The following RFTN1 variants were observed in gnomAD, a reference collection of about 807,000 sequenced individuals.
RFTN1 encodes raftlin, lipid raft linker 1.
RFTN1 carries 26 observed loss-of-function variants against 46.5 expected under a neutral mutation model. That is an observed-to-expected ratio of 0.56 (90% CI 0.41 to 0.78). RFTN1 has a LOEUF of 0.78. RFTN1 is among the 30% of genes least tolerant of loss of function. The pLI is 0.00. For synonymous variants in RFTN1, 261 were observed against 284.2 expected (o/e 0.92, Z 0.82); for missense variants, 693 against 718.7 (o/e 0.96, Z 0.41).
chr3:16,355,844 G>T (rs1472989452), intron 7 of RFTN1, among the ~76,000 whole-genome samples: 2 of 152,226 alleles, frequency 1.3e-5, no homozygotes, highest in African/African-American at 4.8e-5. Context: ...TTTTATAGAT[G>T]ATTTTGGATC....
At chr3:16,369,823 G>A (rs545621201) in intron 6 of RFTN1, among the ~76,000 whole-genome samples, 2 of 152,312 alleles carry the variant, frequency 1.3e-5, no homozygotes, top group African/African-American at 2.4e-5. Flanking sequence ...GGCCACCTTC[G>A]ATGAAATAGA....
rs113454882 is a variant in RFTN1 at position 16,330,460 on chromosome 3, G to C, written c.1147-3584C>G. Among the ~76,000 whole-genome samples the C allele has an allele frequency of 4.6e-5, 7 of 152,322 alleles. 1 individual carries two copies. Among genetic ancestry groups the C allele is most frequent in the African/African-American group, 1.4e-4 (6 of 41,574 alleles). Reference sequence around the variant, plus strand: ...GGTAGGAAACATATCCGGATGGAAGGCTCTCTTTGATCTGCTTTTTTGTGA... The same window carrying C: ...GGTAGGAAACATATCCGGATGGAAGCCTCTCTTTGATCTGCTTTTTTGTGA... On this transcript the variant is annotated intron_variant, in intron 7 of 9. Transcript: ENST00000334133.
chr3:16,393,791 T>TGGGA (rs2074405763), intron 4 of RFTN1, among the ~76,000 whole-genome samples: 1 of 152,070 alleles, frequency 6.6e-6, no homozygotes, highest in African/African-American at 2.4e-5. Context: ...CCCAAGTAGG[T>TGGGA]GGGACTACAG....
rs957126460 is a variant in RFTN1 at position 16,428,216 on chromosome 3, G to A, written c.332+5635C>T. The stretch of plus-strand genomic sequence containing the variant: ...TGTGCCCCAGAATGAACTCGAGAAG[G>A]GAGGCGTGGAGTTCCTGTTCCCTCA... On this transcript the variant is annotated intron_variant, in intron 3 of 9. Transcript: ENST00000334133. This position sits in a 1 kb window ranked among gnomAD's most constrained non-coding sequence, Gnocchi z 4.7. 2.6e-5 allele frequency among the ~76,000 whole-genome samples: 4 copies of A among 152,166 alleles called. No homozygotes were observed. Among genetic ancestry groups the A allele is most frequent in the Non-Finnish European group, 5.9e-5 (4 of 68,040 alleles).
In RFTN1 at chr3:16,499,443, G is replaced by A. The variant is rs1362646991; in HGVS notation, c.-8-5566C>T. On this transcript the variant is annotated intron_variant, in intron 1 of 9. Coordinates refer to ENST00000334133, the MANE Select transcript of RFTN1 (RefSeq NM_015150.2). This position sits in a 1 kb window ranked among gnomAD's most constrained non-coding sequence, Gnocchi z 4.9. ...ATGAGGAAGCTCAAGTAGCCCCAAAGAGGGGCCCATGTGGAGAGGAACCGA... is the reference window on the plus strand; with the variant it reads ...ATGAGGAAGCTCAAGTAGCCCCAAAAAGGGGCCCATGTGGAGAGGAACCGA... 6.6e-6 allele frequency among the ~76,000 whole-genome samples: 1 copy of A among 152,216 alleles called. No individual in the cohort carries two copies. Among genetic ancestry groups the A allele is most frequent in the Admixed American group, 6.5e-5 (1 of 15,284 alleles).
rs369454004 is a variant in RFTN1, at chr3:16,337,067, G to A, written c.1147-10191C>T. On this transcript the variant is annotated intron_variant, in intron 7 of 9. Transcript: ENST00000334133. The surrounding 1 kb of genome is among the most constrained non-coding windows in gnomAD (Gnocchi z 5.0). ...GCAGATGTGACATTACGGTCATCCT[G>A]AACCTAGGCCTCAAGGAGCCTTGCT... 6.6e-6 allele frequency: 1 copy of A among 152,212 alleles called. No individual in the cohort carries two copies. The highest frequency in any genetic ancestry group is 2.4e-5 in the African/African-American group (1 of 41,438). 9.4% of individuals were successfully genotyped at this position (152,212 alleles called of 1,614,324 possible).
In RFTN1 at chr3:16,356,304, T is replaced by A. The variant is rs1220971050; in HGVS notation, c.1146+1628A>T. Reference sequence around the variant, plus strand: ...AGCAGGGTCACACAGGAGTAACTGGTGGGGCTGATCTCACACCAGGCTGTC... The same window carrying A: ...AGCAGGGTCACACAGGAGTAACTGGAGGGGCTGATCTCACACCAGGCTGTC... On this transcript the variant is annotated intron_variant, in intron 7 of 9. Transcript: ENST00000334133. The surrounding 1 kb of genome is among the most constrained non-coding windows in gnomAD (Gnocchi z 4.9). 3.3e-5 allele frequency among the ~76,000 whole-genome samples: 5 copies of A among 152,304 alleles called. No individual in the cohort carries two copies. The highest frequency in any genetic ancestry group is 1.2e-4 in the African/African-American group (5 of 41,562).
rs1311148888 is a variant in RFTN1 at position 16,428,672 on chromosome 3, T to G, written c.332+5179A>C. On this transcript the variant is annotated intron_variant, in intron 3 of 9. Coordinates refer to ENST00000334133, the MANE Select transcript of RFTN1 (RefSeq NM_015150.2). The surrounding 1 kb of genome is among the most constrained non-coding windows in gnomAD (Gnocchi z 4.7). ...CCAAAGGACTTCAACTCATTCATGA[T>G]GAAAAACACACCAATGACGCCCCTA... Among the ~76,000 whole-genome samples, 2 of 152,158 alleles carry G rather than the reference T, an allele frequency of 1.3e-5. No individual in the cohort carries two copies. The highest frequency in any genetic ancestry group is 2.4e-5 in the African/African-American group (1 of 41,420).
intron 1 of RFTN1, among the ~76,000 whole-genome samples, chr3:16,511,344 GTT>G (rs2076898473): frequency 6.6e-6 from 1 of 152,210 alleles, no homozygotes; most frequent in South Asian, 2.1e-4. Context: ...GTACTAAAAT[GTT>G]TAGGAATGAC....
rs2075815005 is a variant in RFTN1, at chr3:16,451,077, G to A, written c.146-17040C>T. Among the ~76,000 whole-genome samples, 1 of 152,300 alleles carries A rather than the reference G, an allele frequency of 6.6e-6. No homozygotes were observed. The highest frequency in any genetic ancestry group is 1.9e-4 in the East Asian group (1 of 5,186). ...AATGCTCACTAAGGTCAGGGGCTTG[G>A]ATAAACTCTCATTATGAGAAAACAT... On this transcript the variant is annotated intron_variant, in intron 2 of 9. Coordinates refer to ENST00000334133, the MANE Select transcript of RFTN1 (RefSeq NM_015150.2). This position sits in a 1 kb window ranked among gnomAD's most constrained non-coding sequence, Gnocchi z 4.2.
rs373120856 is a variant in RFTN1 at position 16,417,081 on chromosome 3, C to T, written c.333-7598G>A. Among the ~76,000 whole-genome samples the T allele has an allele frequency of 2.8e-4, 42 of 150,120 alleles. No individual in the cohort carries two copies. In the East Asian group the frequency reaches 6.8e-3, roughly 24 times the overall value. ...TGAAGTGCGGTGGCATGATCAAGGG[C>T]TCACTGCAGCCTCAACTTCCTGGGC... On this transcript the variant is annotated intron_variant, in intron 3 of 9. Coordinates refer to ENST00000334133, the MANE Select transcript of RFTN1 (RefSeq NM_015150.2).
rs533921073 is a variant in RFTN1 at position 16,484,342 on chromosome 3, G to A, written c.145+9383C>T. Among the ~76,000 whole-genome samples, 4 of 152,210 alleles carry A rather than the reference G, an allele frequency of 2.6e-5. No homozygotes were observed. Among genetic ancestry groups the A allele is most frequent in the South Asian group, 2.1e-4 (1 of 4,820 alleles). Reference sequence around the variant, plus strand: ...ACTGGACCTGTAGAAAACTTATTGCGCAATGTGCATGTCTTGAATAAGGAA... The same window carrying A: ...ACTGGACCTGTAGAAAACTTATTGCACAATGTGCATGTCTTGAATAAGGAA... On this transcript the variant is annotated intron_variant, in intron 2 of 9. Transcript: ENST00000334133. The surrounding 1 kb of genome is among the most constrained non-coding windows in gnomAD (Gnocchi z 4.6).
rs1331945896 is a variant in RFTN1 at position 16,429,018 on chromosome 3, CTCTT to C, written c.332+4829_332+4832del. On this transcript the variant is annotated intron_variant, in intron 3 of 9. Transcript: ENST00000334133. This position sits in a 1 kb window ranked among gnomAD's most constrained non-coding sequence, Gnocchi z 6.4. ...GAGTTGAGAAAATGAAGTACAAACT[CTCTT>C]TCTACTTATTCACTAAGTATTTCAT... Among the ~76,000 whole-genome samples the C allele has an allele frequency of 1.3e-5, 2 of 152,220 alleles. No homozygotes were observed. Among genetic ancestry groups the C allele is most frequent in the African/African-American group, 2.4e-5 (1 of 41,450 alleles).
chr3:16,432,366 A>G (rs2075404984), intron 3 of RFTN1, among the ~76,000 whole-genome samples: 1 of 152,130 alleles, frequency 6.6e-6, no homozygotes, highest in Non-Finnish European at 1.5e-5. Context: ...CAAAATAAAA[A>G]AATTAGCCAG....
chr3:16,434,145 T>C (rs2075450732), intron 2 of RFTN1, 108 bp from the exon 3 acceptor site: 1 of 913,290 alleles, frequency 1.1e-6, no homozygotes, highest in Non-Finnish European at 1.6e-6. Context: ...AGGTCACTGC[T>C]AAAATGAGTT....
At chr3:16,470,260 AAAAAC>A (rs1405754901) in intron 2 of RFTN1, among the ~76,000 whole-genome samples, 5 of 152,158 alleles carry the variant, frequency 3.3e-5, no homozygotes, top group Admixed American at 6.5e-5. Context: ...ATACAGACAT[AAAAAC>A]AAAACAAAAC....
intron 4 of RFTN1, among the ~76,000 whole-genome samples, chr3:16,391,186 G>T (rs2074334511): frequency 6.6e-6 from 1 of 152,174 alleles, no homozygotes; most frequent in African/African-American, 2.4e-5. Context: ...TCAAAACTAG[G>T]AATGCTGCTA....
chr3:16,358,217 T>G (rs1400006839), intron 6 of RFTN1, among the ~76,000 whole-genome samples, 170 bp from the exon 7 acceptor site: 2 of 152,212 alleles, frequency 1.3e-5, no homozygotes, highest in African/African-American at 4.8e-5. Flanking sequence ...TATCTAGCCC[T>G]ATCAGAATGA....
chr3:16,344,624 T>C lies in RFTN1; in HGVS notation c.1146+13308A>G, dbSNP rs963736133. ...TCAGGTCTCTTCAGGTCCACCACCTTCTAGATCACTGCACAAGCCCCTGAA... is the reference window on the plus strand; with the variant it reads ...TCAGGTCTCTTCAGGTCCACCACCTCCTAGATCACTGCACAAGCCCCTGAA... On this transcript the variant is annotated intron_variant, in intron 7 of 9. Transcript: ENST00000334133. This position sits in a 1 kb window ranked among gnomAD's most constrained non-coding sequence, Gnocchi z 4.4. Among the ~76,000 whole-genome samples the C allele has an allele frequency of 6.6e-6, 1 of 151,998 alleles. No individual in the cohort carries two copies. The highest frequency in any genetic ancestry group is 2.4e-5 in the African/African-American group (1 of 41,362).
Sources: allele counts gnomAD v4.1 joint callset (sites outside exome capture counted in the v4.1 genomes callset), GRCh38; gene constraint gnomAD v4.1.1; non-coding constraint Gnocchi (gnomAD v3.1); transcripts MANE v1.5; gene names NCBI Gene and HGNC (gene_info 2026-07-23, HGNC 2026-07-21).